The following TMCC1 variants were observed in gnomAD, a reference collection of about 807,000 sequenced individuals.
The protein encoded by TMCC1 is transmembrane and coiled-coil domain family 1.
Under a neutral mutation model 52.4 loss-of-function variants are expected in TMCC1, and 15 were observed. The ratio of observed to expected loss-of-function variants is 0.29; its 90% CI spans 0.19 to 0.44. The LOEUF (loss-of-function observed/expected upper bound fraction) is 0.44. Ranked by LOEUF, TMCC1 falls within the 20% of genes least tolerant of loss-of-function variation. TMCC1 has a pLI of 1.00. For missense variants in TMCC1, 503 were observed against 806.0 expected (o/e 0.62, Z 4.55); for synonymous variants, 279 against 301.9 (o/e 0.92, Z 0.79).
chr3:129,686,956 GA>G (rs1379973325), intron 4 of TMCC1, among the ~76,000 whole-genome samples: 1 of 152,120 alleles, frequency 6.6e-6, no homozygotes, highest in African/African-American at 2.4e-5. Context: ...AATTCAAAAA[GA>G]GAAAAATAAA....
At chr3:129,659,094 C>CTTTTTTTTTTTTTTT (rs902362203) in intron 5 of TMCC1, among the ~76,000 whole-genome samples, 2 of 130,010 alleles carry the variant, frequency 1.5e-5, no homozygotes, top group Non-Finnish European at 1.7e-5. Flanking sequence ...TTCTTTCTTT[C>CTTTTTTTTTTTTTTT]TTTTTTTTTT....
intron 4 of TMCC1, among the ~76,000 whole-genome samples, chr3:129,692,838 T>TTTAC (rs2047123579): frequency 1.3e-5 from 2 of 152,150 alleles, no homozygotes; most frequent in Non-Finnish European, 2.9e-5. Flanking sequence ...AGACAAATCA[T>TTTAC]TTATTTATTT....
intron 4 of TMCC1, among the ~76,000 whole-genome samples, chr3:129,676,999 C>T (rs1271988840): frequency 6.6e-6 from 1 of 152,020 alleles, no homozygotes. Context: ...TGTGGTGGCT[C>T]ATGCCTCTAA....
At position 129,893,684 on chromosome 3, in the gene TMCC1, G is replaced by C. The variant is rs1431615814; in HGVS notation, c.-625C>G. 1 of 145,032 alleles carries C rather than the reference G, an allele frequency of 6.9e-6. No individual in the cohort carries two copies. Among genetic ancestry groups the C allele is most frequent in the Non-Finnish European group, 1.5e-5 (1 of 65,620 alleles). The allele number at this position is 145,032 out of a possible 1,614,324, so 9.0% of individuals were successfully genotyped here. On this transcript the variant is annotated 5_prime_UTR_variant, in exon 1 of 7. Transcript: ENST00000393238. ...CCACCGCCGCCGCCGCCTCAGCCCC[G>C]GCGCGGGAGGGCGAACCGGCGCGAG...
chr3:129,725,716 G>A (rs985626794), intron 4 of TMCC1, among the ~76,000 whole-genome samples: 2 of 151,640 alleles, frequency 1.3e-5, no homozygotes, highest in African/African-American at 2.4e-5. Context: ...CACTATCAAA[G>A]GAAATTTTGA....
chr3:129,760,431 TGTG>T (rs1344796618), intron 4 of TMCC1, among the ~76,000 whole-genome samples: 37 of 148,460 alleles, frequency 2.5e-4, no homozygotes, highest in Non-Finnish European at 3.0e-4. Context: ...TGTGTGTGTG[TGTG>T]TTTTTGAGAC....
chr3:129,877,478 TC>T (rs2061270012), intron 2 of TMCC1, among the ~76,000 whole-genome samples: 1 of 152,178 alleles, frequency 6.6e-6, no homozygotes, highest in Non-Finnish European at 1.5e-5. Flanking sequence ...TACTTCCATC[TC>T]TACTCACTTA....
At chr3:129,731,526 C>T (rs1023146673) in intron 4 of TMCC1, among the ~76,000 whole-genome samples, 10 of 152,174 alleles carry the variant, frequency 6.6e-5, no homozygotes, top group Non-Finnish European at 1.3e-4. Context: ...TGCAGTTAAC[C>T]GACATCGTGC....
At chr3:129,893,083 T>A (rs1048091321) in intron 1 of TMCC1, 1 of 152,386 alleles carries the variant, frequency 6.6e-6, no homozygotes, top group Admixed American at 6.5e-5. Flanking sequence ...TGGGACGCCA[T>A]GGCGATCGAG....
chr3:129,689,682 T>G (rs2089657703), intron 4 of TMCC1, among the ~76,000 whole-genome samples: 1 of 152,198 alleles, frequency 6.6e-6, no homozygotes, highest in Non-Finnish European at 1.5e-5. Flanking sequence ...CAGCTGCGTT[T>G]AACATCTTTC....
intron 4 of TMCC1, among the ~76,000 whole-genome samples, chr3:129,806,406 G>A (rs1220662332): frequency 6.6e-6 from 1 of 152,116 alleles, no homozygotes; most frequent in Non-Finnish European, 1.5e-5. Context: ...TGGAACACAG[G>A]CACCCAGACT....
chr3:129,751,920 C>T (rs1430747831), intron 4 of TMCC1, among the ~76,000 whole-genome samples: 1 of 152,158 alleles, frequency 6.6e-6, no homozygotes, highest in Non-Finnish European at 1.5e-5. Flanking sequence ...CTTCAAGCTG[C>T]CTATCTTCTA....
At chr3:129,827,521 G>C (rs1266654507) in intron 4 of TMCC1, among the ~76,000 whole-genome samples, 1 of 152,072 alleles carries the variant, frequency 6.6e-6, no homozygotes, top group Non-Finnish European at 1.5e-5. Flanking sequence ...CCATAAAACT[G>C]ACCCTCAAAT....
intron 5 of TMCC1, among the ~76,000 whole-genome samples, chr3:129,661,812 C>CA (rs1272429619): frequency 1.3e-5 from 2 of 151,186 alleles, no homozygotes; most frequent in South Asian, 4.2e-4. Flanking sequence ...AAAGAGAAGA[C>CA]AAAAAAATTC....
intron 4 of TMCC1, among the ~76,000 whole-genome samples, chr3:129,684,880 G>T (rs529733538): frequency 1.3e-5 from 2 of 152,212 alleles, no homozygotes; most frequent in East Asian, 3.9e-4. Context: ...AAAGACTGAG[G>T]CTTTACAATT....
chr3:129,813,997 T>C (rs2057972785), intron 4 of TMCC1, among the ~76,000 whole-genome samples: 1 of 151,690 alleles, frequency 6.6e-6, no homozygotes, highest in Non-Finnish European at 1.5e-5. Flanking sequence ...TTTTTTTTTT[T>C]GTATAATAAA....
At chr3:129,681,589 C>T (rs2088985875) in intron 4 of TMCC1, among the ~76,000 whole-genome samples, 1 of 151,790 alleles carries the variant, frequency 6.6e-6, no homozygotes, top group African/African-American at 2.4e-5. Context: ...AATCATAAGC[C>T]ACTAGAACAC....
intron 4 of TMCC1, among the ~76,000 whole-genome samples, chr3:129,729,855 A>G (rs2050403034): frequency 6.6e-6 from 1 of 152,134 alleles, no homozygotes; most frequent in Non-Finnish European, 1.5e-5. Context: ...CATGCCTGTA[A>G]TCCCAGCACT....
intron 4 of TMCC1, among the ~76,000 whole-genome samples, chr3:129,714,595 T>C (rs925438659): frequency 1.3e-5 from 2 of 152,188 alleles, no homozygotes; most frequent in African/African-American, 4.8e-5. Context: ...TATTCCCTTT[T>C]CTGTTAGAAC....
Sources: gnomAD v4.1 joint callset for allele counts (sites outside exome capture counted in the v4.1 genomes callset) on GRCh38, gnomAD v4.1.1 for gene constraint, MANE v1.5 for transcripts, NCBI Gene and HGNC (gene_info 2026-07-23, HGNC 2026-07-21) for gene names.